The following TRIM37 variants were observed in gnomAD, a reference collection of about 807,000 sequenced individuals.
TRIM37 encodes the protein tripartite motif containing 37.
A neutral mutation model predicts 129.8 loss-of-function variants in TRIM37; 80 were observed. The ratio of observed to expected loss-of-function variants is 0.62; its 90% CI spans 0.51 to 0.74. TRIM37 has a LOEUF of 0.74. Ranked by LOEUF, TRIM37 falls within the 30% of genes least tolerant of loss-of-function variation. The pLI, the probability that TRIM37 is intolerant of heterozygous loss-of-function variation, is 0.00. For missense variants in TRIM37, 1,054 were observed against 1,176.5 expected, an observed-to-expected ratio of 0.90 and a Z score of 1.52; for synonymous variants, 389 against 387.1, an observed-to-expected ratio of 1.00 and a Z score of -0.06.
chr17:58,972,383 C>G, the TRIM37 span: 1 of 1,216,688 alleles, frequency 8.2e-7, no homozygotes, highest in Non-Finnish European at 1.1e-6. Context: ...TGGAGTTTCA[C>G]TCTGTTGCCC....
chr17:59,018,841 T>C (rs2036251659), intron 19 of TRIM37, among the ~76,000 whole-genome samples: 1 of 152,132 alleles, frequency 6.6e-6, no homozygotes, highest in African/African-American at 2.4e-5. Flanking sequence ...CAAAAGTTAC[T>C]ATAACTAAGT....
chr17:59,046,622 C>T (rs1023112133), intron 16 of TRIM37, among the ~76,000 whole-genome samples: 2 of 150,882 alleles, frequency 1.3e-5, no homozygotes, highest in Admixed American at 6.6e-5. Context: ...CTGCAAGCTC[C>T]GCCTCCCGGG....
downstream of TRIM37, among the ~76,000 whole-genome samples, chr17:58,994,042 G>A (rs1305052243): frequency 6.6e-6 from 1 of 152,176 alleles, no homozygotes; most frequent in Non-Finnish European, 1.5e-5. Context: ...TCCACAGGAG[G>A]CCAACGGTTC....
intron 2 of TRIM37, among the ~76,000 whole-genome samples, chr17:59,092,623 A>T (rs2044499593): frequency 6.6e-6 from 1 of 151,706 alleles, no homozygotes; most frequent in African/African-American, 2.4e-5. Flanking sequence ...GGTTTATAAT[A>T]AAAAAAACTT....
At position 59,072,488 on chromosome 17, in the gene TRIM37, G is replaced by T. The variant is rs556065988; in HGVS notation, c.685-1541C>A. 6.8e-4 allele frequency among the ~76,000 whole-genome samples: 103 copies of T among 152,238 alleles called. 2 individuals are homozygous for T. The South Asian group carries it at 0.015, about 22-fold the overall frequency. ...CACACCTGTAATCCCAGGACTTTGGGAGGCTGAGGCGGGTGGATCACTTAG... is the reference window on the plus strand; with the variant it reads ...CACACCTGTAATCCCAGGACTTTGGTAGGCTGAGGCGGGTGGATCACTTAG... On this transcript the variant is annotated intron_variant, in intron 8 of 23. Coordinates refer to ENST00000262294, the MANE Select transcript of TRIM37 (RefSeq NM_015294.6).
Position 59,032,029 on chromosome 17 carries a change from G to A in TRIM37, c.1815C>T (p.Ser605=), listed in dbSNP as rs142101613. 393 of 1,613,944 alleles carry A rather than the reference G, an allele frequency of 2.4e-4. No homozygotes were observed. Among genetic ancestry groups the A allele is most frequent in the Non-Finnish European group, 3.0e-4 (355 of 1,180,032 alleles). Residue 605 remains serine, a synonymous_variant, in exon 18 of 24, where the codon TCC becomes TCT. Transcript: ENST00000262294. ...SRISRRTHLC[S]AATSSLLDID... is the part of the protein sequence containing the mutation. ...TGTCTAGTAAACTACTGGTAGCAGCGGAGCATAAATGTGTTCTTCTTGATA... is the reference window on the plus strand; with the variant it reads ...TGTCTAGTAAACTACTGGTAGCAGCAGAGCATAAATGTGTTCTTCTTGATA...
Position 58,999,273 on chromosome 17 carries a change from A to G in TRIM37, c.*104T>C. 1 of 1,606,382 alleles carries G rather than the reference A, an allele frequency of 6.2e-7. No homozygotes were observed. The highest frequency in any genetic ancestry group is 8.5e-7 in the Non-Finnish European group (1 of 1,176,828). The stretch of plus-strand genomic sequence containing the variant: ...CTATTTCAGGTCGAGATAATGAAGA[A>G]ATAAGACCAAATCTGATTATCTGAC... On this transcript the variant is annotated 3_prime_UTR_variant, in exon 24 of 24. Transcript: ENST00000262294.
rs1425873387 is a variant in TRIM37 at position 59,025,385 on chromosome 17, AT to A, written c.2257+3029del. On this transcript the variant is annotated intron_variant, in intron 19 of 23. Coordinates refer to ENST00000262294, the MANE Select transcript of TRIM37 (RefSeq NM_015294.6). ...GAATATTATTGCCATGAATATTATT[AT>A]TAATTATAATATTATTAATATTCAT... Among the ~76,000 whole-genome samples, 3 of 151,286 alleles carry A rather than the reference AT, an allele frequency of 2.0e-5. No individual in the cohort carries two copies. In the East Asian group the frequency reaches 5.8e-4, roughly 29 times the overall value.
chr17:58,982,724 G>T, exon 25 of TRIM37: 1 of 520,664 alleles, frequency 1.9e-6, no homozygotes, highest in South Asian at 3.4e-5. Context: ...GTTTTCTCTT[G>T]ATTTTGAAGT....
chr17:58,994,200 C>T (rs2032742943), downstream of TRIM37, among the ~76,000 whole-genome samples: 4 of 152,158 alleles, frequency 2.6e-5, no homozygotes, highest in South Asian at 8.3e-4. Flanking sequence ...TATAGACTCA[C>T]AGTCATAGTG....
chr17:59,093,723 TAA>T (rs1178566030), intron 2 of TRIM37, among the ~76,000 whole-genome samples: 3 of 152,214 alleles, frequency 2.0e-5, no homozygotes, highest in Non-Finnish European at 2.9e-5. Flanking sequence ...CTGCACTATA[TAA>T]CACTGTCGAT....
At chr17:59,038,827 TTTC>T (rs758037301) in intron 17 of TRIM37, among the ~76,000 whole-genome samples, 14 of 152,294 alleles carry the variant, frequency 9.2e-5, no homozygotes, top group African/African-American at 9.6e-5. Flanking sequence ...TGCAACAGAA[TTTC>T]TTCTTTTTTC....
At chr17:59,068,538 G>GT (rs1284761304) in intron 9 of TRIM37, among the ~76,000 whole-genome samples, 2 of 152,214 alleles carry the variant, frequency 1.3e-5, no homozygotes, top group South Asian at 2.1e-4. Context: ...GCTGACCACA[G>GT]TATCAATGAA....
chr17:58,971,733 G>A, the TRIM37 span, among the ~76,000 whole-genome samples: 1 of 152,184 alleles, frequency 6.6e-6, no homozygotes, highest in African/African-American at 2.4e-5. Flanking sequence ...ATGAAATGGA[G>A]AGCAGAATAT....
At chr17:59,046,233 T>C (rs1298497203) in intron 16 of TRIM37, among the ~76,000 whole-genome samples, 1 of 152,120 alleles carries the variant, frequency 6.6e-6, no homozygotes, top group Admixed American at 6.5e-5. Context: ...ATAGGATATT[T>C]ACAGTCCCAT....
At chr17:59,061,340 A>G in intron 11 of TRIM37, among the ~76,000 whole-genome samples, 1 of 152,130 alleles carries the variant, frequency 6.6e-6, no homozygotes, top group Admixed American at 6.5e-5. Flanking sequence ...CAACCACAAC[A>G]AAGGTTAAGA....
chr17:59,087,550 C>G (rs762710099), intron 4 of TRIM37, among the ~76,000 whole-genome samples: 2 of 151,284 alleles, frequency 1.3e-5, no homozygotes, highest in Non-Finnish European at 1.5e-5. Context: ...CTGCCTGAGC[C>G]TCCCAAGTAT....
intron 24 of TRIM37, chr17:58,983,978 G>A (rs944263220): frequency 2.0e-5 from 3 of 152,566 alleles, no homozygotes; most frequent in African/African-American, 7.2e-5. Context: ...CTTTCTAGAT[G>A]TGTACTTTTG....
intron 23 of TRIM37, among the ~76,000 whole-genome samples, chr17:59,000,133 G>C (rs1033780134): frequency 6.6e-6 from 1 of 152,144 alleles, no homozygotes; most frequent in Non-Finnish European, 1.5e-5. Flanking sequence ...TAACTTGACA[G>C]TATATCCTTT....
Sources: gnomAD v4.1 joint callset for allele counts (sites outside exome capture counted in the v4.1 genomes callset) on GRCh38, gnomAD v4.1.1 for gene constraint, MANE v1.5 for transcripts, NCBI Gene and HGNC (gene_info 2026-07-23, HGNC 2026-07-21) for gene names.